ADAMTS17: variants seen among roughly 807,000 people sequenced by gnomAD.
ADAMTS17 encodes ADAM metallopeptidase with thrombospondin type 1 motif 17, also known as A disintegrin and metalloproteinase with thrombospondin motifs 17.
Under a neutral mutation model 141.5 loss-of-function variants are expected in ADAMTS17, and 113 were observed. The ratio of observed to expected loss-of-function variants is 0.80; its 90% CI spans 0.69 to 0.93. The LOEUF (loss-of-function observed/expected upper bound fraction) is 0.93. Ranked by LOEUF, ADAMTS17 falls within the 40% of genes least tolerant of loss-of-function variation. ADAMTS17 has a pLI of 0.00. For missense variants in ADAMTS17, 1,659 were observed against 1,517.9 expected, an observed-to-expected ratio of 1.09 and a Z score of -1.54; for synonymous variants, 768 against 630.6, an observed-to-expected ratio of 1.22 and a Z score of -3.27.
intron 15 of ADAMTS17, among the ~76,000 whole-genome samples, chr15:100,076,001 T>C (rs550972457): frequency 1.3e-5 from 2 of 152,282 alleles, no homozygotes; most frequent in South Asian, 4.1e-4. Context: ...TCACTGTTTC[T>C]TTCTTGAGGT....
intron 7 of ADAMTS17, among the ~76,000 whole-genome samples, chr15:100,215,683 T>C (rs2041948484): frequency 6.6e-6 from 1 of 151,464 alleles, no homozygotes; most frequent in African/African-American, 2.4e-5. Flanking sequence ...CCTCCCCAGG[T>C]GTAAGGATGA....
Position 100,155,193 on chromosome 15 carries a change from C to G in ADAMTS17, c.1309G>C (p.Glu437Gln), listed in dbSNP as rs2039374880. 6.2e-7 allele frequency: 1 copy of G among 1,614,228 alleles called. No individual in the cohort carries two copies. Residue 437 changes from glutamate (E) to glutamine (Q), a missense_variant, in exon 9 of 22, where the codon GAA (glutamate) becomes CAA (glutamine). Physicochemically the swap from Glu to Gln is conservative, Grantham distance 29. Transcript: ENST00000268070. ...SWSSCSRDDL[E>Q]NFLKSKVSTC... is the part of the protein sequence containing the mutation. The stretch of plus-strand genomic sequence containing the variant: ...TCCAGGACTTACTTGAGGAAGTTTT[C>G]AAGGTCATCTCGGCTGCAGGAGGAC...
intron 3 of ADAMTS17, among the ~76,000 whole-genome samples, chr15:100,298,064 G>T (rs1350833901): frequency 6.6e-6 from 1 of 152,068 alleles, no homozygotes; most frequent in South Asian, 2.1e-4. Context: ...GAGAGTGCTC[G>T]TGGGGACAGA....
intron 20 of ADAMTS17, among the ~76,000 whole-genome samples, chr15:99,983,680 C>T (rs1430053913): frequency 6.6e-6 from 1 of 152,206 alleles, no homozygotes; most frequent in Non-Finnish European, 1.5e-5. Context: ...CCACTGTCTC[C>T]CCGCACTGGG....
intron 15 of ADAMTS17, among the ~76,000 whole-genome samples, chr15:100,064,938 T>C (rs764237967): frequency 6.6e-6 from 1 of 152,234 alleles, no homozygotes; most frequent in Non-Finnish European, 1.5e-5. Context: ...TTACAAATCC[T>C]AGCCCTGTTG....
chr15:100,032,181 T>C (rs2030242065), intron 18 of ADAMTS17, among the ~76,000 whole-genome samples: 1 of 152,086 alleles, frequency 6.6e-6, no homozygotes, highest in African/African-American at 2.4e-5. Flanking sequence ...CCTGCCAACT[T>C]GCATCACTGG....
intron 18 of ADAMTS17, among the ~76,000 whole-genome samples, chr15:100,028,331 A>G (rs1047035056): frequency 1.3e-5 from 2 of 152,308 alleles, no homozygotes; most frequent in African/African-American, 2.4e-5. Context: ...CTGAAACGGC[A>G]TTCTTCGGAC....
intron 20 of ADAMTS17, 66 bp downstream of exon 20, chr15:99,992,982 T>C (rs2060721277): frequency 1.2e-6 from 2 of 1,603,168 alleles, no homozygotes; most frequent in South Asian, 2.2e-5. Flanking sequence ...TCACAAGAGC[T>C]GAGTTCCCGA....
chr15:100,144,426 T>A (rs2141305101), intron 10 of ADAMTS17, among the ~76,000 whole-genome samples: 1 of 152,236 alleles, frequency 6.6e-6, no homozygotes, highest in Non-Finnish European at 1.5e-5. Flanking sequence ...GGAAGGCACC[T>A]GTAATCCCAG....
chr15:100,036,944 C>T (rs1436288967), intron 18 of ADAMTS17, among the ~76,000 whole-genome samples: 1 of 152,202 alleles, frequency 6.6e-6, no homozygotes, highest in Non-Finnish European at 1.5e-5. Context: ...CCTGAATCTA[C>T]TGCATTTTGT....
chr15:100,263,268 A>T (rs4496116), intron 4 of ADAMTS17, among the ~76,000 whole-genome samples: 31,053 of 151,934 alleles, frequency 0.2, 3,635 homozygotes, highest in Non-Finnish European at 0.25. Context: ...CACTACTCTC[A>T]GCTGGGAAAC....
At chr15:99,985,777 G>A (rs1463038476) in intron 20 of ADAMTS17, among the ~76,000 whole-genome samples, 2 of 152,210 alleles carry the variant, frequency 1.3e-5, no homozygotes, top group Non-Finnish European at 2.9e-5. Flanking sequence ...AGATGGGTGA[G>A]GGTCCAATGA....
Position 100,058,571 on chromosome 15 carries a change from A to G in ADAMTS17, c.2138-4517T>C, listed in dbSNP as rs2032841940. Among the ~76,000 whole-genome samples, 7 of 152,376 alleles carry G rather than the reference A, an allele frequency of 4.6e-5. No individual in the cohort carries two copies. The South Asian group carries it at 1.2e-3, about 27-fold the overall frequency. On this transcript the variant is annotated intron_variant, in intron 15 of 21. Coordinates refer to ENST00000268070, the MANE Select transcript of ADAMTS17 (RefSeq NM_139057.4). ...AAAAAGGGCAGGAGGGCACACCTGG[A>G]GACGGTTATAAGACCATCCTCAGAA...
At chr15:100,033,138 C>A (rs919926339) in intron 18 of ADAMTS17, among the ~76,000 whole-genome samples, 1 of 152,184 alleles carries the variant, frequency 6.6e-6, no homozygotes, top group East Asian at 1.9e-4. Context: ...GTTGAACCAG[C>A]AGCTGATGAG....
chr15:100,173,043 T>G (rs2040217387), intron 8 of ADAMTS17, among the ~76,000 whole-genome samples: 1 of 152,142 alleles, frequency 6.6e-6, no homozygotes, highest in South Asian at 2.1e-4. Context: ...CCAAGCGGTC[T>G]AAGGGGTGGG....
At chr15:100,161,784 C>T (rs1442789979) in intron 8 of ADAMTS17, among the ~76,000 whole-genome samples, 1 of 152,178 alleles carries the variant, frequency 6.6e-6, no homozygotes, top group African/African-American at 2.4e-5. Flanking sequence ...CACTCATTTA[C>T]AGGTAGAAGA....
chr15:100,229,505 T>C (rs947413296), intron 7 of ADAMTS17, among the ~76,000 whole-genome samples: 1 of 152,188 alleles, frequency 6.6e-6, no homozygotes, highest in African/African-American at 2.4e-5. Context: ...TTGACCTGGA[T>C]GCTCACTTCA....
At chr15:100,159,124 T>C (rs1003165723) in intron 8 of ADAMTS17, among the ~76,000 whole-genome samples, 4 of 152,182 alleles carry the variant, frequency 2.6e-5, no homozygotes, top group African/African-American at 9.7e-5. Flanking sequence ...TTTCAAAATA[T>C]TTACGCAAAA....
chr15:100,296,671 C>T (rs2044834102), intron 3 of ADAMTS17, among the ~76,000 whole-genome samples: 2 of 152,052 alleles, frequency 1.3e-5, no homozygotes, highest in Admixed American at 1.3e-4. Context: ...CAAATGAAAA[C>T]AGACCTGATG....
Sources: allele counts gnomAD v4.1 joint callset (sites outside exome capture counted in the v4.1 genomes callset), GRCh38; gene constraint gnomAD v4.1.1; transcripts MANE v1.5; gene names NCBI Gene and HGNC (gene_info 2026-07-23, HGNC 2026-07-21).